The following MFSD6 variants were observed in gnomAD, a reference collection of about 807,000 sequenced individuals.
MFSD6 encodes the protein major facilitator superfamily domain-containing protein 6.
MFSD6 carries 26 observed loss-of-function variants against 56.3 expected under a neutral mutation model. The ratio of observed to expected loss-of-function variants is 0.46; its 90% CI spans 0.34 to 0.64. MFSD6 has a LOEUF of 0.64. MFSD6 is among the 30% of genes least tolerant of loss of function. The pLI, the probability that MFSD6 is intolerant of heterozygous loss-of-function variation, is 0.01. For synonymous variants in MFSD6, 331 were observed against 366.9 expected (o/e 0.90, Z 1.12); for missense variants, 750 against 986.2 (o/e 0.76, Z 3.21).
intron 3 of MFSD6, among the ~76,000 whole-genome samples, chr2:190,446,836 C>A (rs1686602512): frequency 6.6e-6 from 1 of 152,180 alleles, no homozygotes; most frequent in Non-Finnish European, 1.5e-5. Context: ...AAATGTCAAC[C>A]TCCTTCAGAG....
intron 3 of MFSD6, among the ~76,000 whole-genome samples, chr2:190,446,084 A>C (rs1686572599): frequency 1.3e-5 from 2 of 152,132 alleles, no homozygotes; most frequent in Admixed American, 1.3e-4. Flanking sequence ...AAAAAATCCT[A>C]CCCAAACAAT....
intron 1 of MFSD6, among the ~76,000 whole-genome samples, chr2:190,414,226 G>A (rs1242479466): frequency 6.6e-6 from 1 of 152,072 alleles, no homozygotes. Context: ...CATGGCACAC[G>A]TTTGCCTATG....
In MFSD6 at chr2:190,411,228, C is replaced by T. The variant is rs1214344730; in HGVS notation, c.-176+2725C>T. 6.9e-4 allele frequency: 474 copies of T among 691,320 alleles called. 1 individual carries two copies. Among genetic ancestry groups the T allele is most frequent in the Non-Finnish European group, 7.9e-4 (446 of 565,428 alleles). 42.8% of individuals were successfully genotyped at this position (691,320 alleles called of 1,614,324 possible). A position where few individuals can be genotyped will look rare whatever the true frequency, so the allele number is the denominator to read the frequency against. On this transcript the variant is annotated intron_variant, in intron 1 of 7. Transcript: ENST00000392328. ...AGGCTGGAGTGCAGTGGCTCGATCT[C>T]GGCCTACTGCAACCTCTGCCTCCTG...
chr2:190,482,888 T>TG (rs1688767786), intron 4 of MFSD6, among the ~76,000 whole-genome samples: 1 of 43,676 alleles, frequency 2.3e-5, no homozygotes, highest in Non-Finnish European at 5.9e-5. Context: ...TTTTTTTTTT[T>TG]TTTTTTTTTT....
Position 190,417,378 on chromosome 2 carries a change from A to G in MFSD6, c.-54+1965A>G, listed in dbSNP as rs904967767. 1.3e-5 allele frequency among the ~76,000 whole-genome samples: 2 copies of G among 152,132 alleles called. No homozygotes were observed. The highest frequency in any genetic ancestry group is 4.8e-5 in the African/African-American group (2 of 41,418). ...TCCTTTAAGATTGGCTCGAGGCCCC[A>G]CACCACAGACCCTCTGTGTACATCA... On this transcript the variant is annotated intron_variant, in intron 2 of 7. Coordinates refer to ENST00000392328, the MANE Select transcript of MFSD6 (RefSeq NM_017694.4). This position sits in a 1 kb window ranked among gnomAD's most constrained non-coding sequence, Gnocchi z 5.7.
rs966914918 is a variant in MFSD6, at chr2:190,461,845, A to AT, written c.1533-7903dup. ...CAATCTATGATTTCTACCAGTTTTA[A>AT]TTTTTTTTTTAGTGTGGAACATGAA... On this transcript the variant is annotated intron_variant, in intron 3 of 7. Coordinates refer to ENST00000392328, the MANE Select transcript of MFSD6 (RefSeq NM_017694.4). This position sits in a 1 kb window ranked among gnomAD's most constrained non-coding sequence, Gnocchi z 5.5. Among the ~76,000 whole-genome samples the AT allele has an allele frequency of 1.0e-4, 15 of 149,924 alleles. No individual in the cohort carries two copies. The highest frequency in any genetic ancestry group is 8.5e-4 in the South Asian group (4 of 4,728).
Position 190,491,950 on chromosome 2 carries a change from T to G in MFSD6, c.1891+2084T>G, listed in dbSNP as rs992198293. On this transcript the variant is annotated intron_variant, in intron 6 of 7. Coordinates refer to ENST00000392328, the MANE Select transcript of MFSD6 (RefSeq NM_017694.4). This position sits in a 1 kb window ranked among gnomAD's most constrained non-coding sequence, Gnocchi z 4.2. Reference sequence around the variant, plus strand: ...GGGGAGAAATCTTCAATGAGATAGATAGCATAAATAAGAAACAGTTACAAC... The same window carrying G: ...GGGGAGAAATCTTCAATGAGATAGAGAGCATAAATAAGAAACAGTTACAAC... Among the ~76,000 whole-genome samples, 2 of 152,096 alleles carry G rather than the reference T, an allele frequency of 1.3e-5. No homozygotes were observed. Among genetic ancestry groups the G allele is most frequent in the Non-Finnish European group, 2.9e-5 (2 of 68,022 alleles).
chr2:190,486,611 C>T lies in MFSD6; in HGVS notation c.1631-2046C>T, dbSNP rs537029386. The stretch of plus-strand genomic sequence containing the variant: ...TGATGTCCCTCAGGAACCACTGTCT[C>T]ATATGTTTTGTCCGGTTTTTTAGTT... On this transcript the variant is annotated intron_variant, in intron 4 of 7. Coordinates refer to ENST00000392328, the MANE Select transcript of MFSD6 (RefSeq NM_017694.4). 3.3e-4 allele frequency among the ~76,000 whole-genome samples: 51 copies of T among 152,318 alleles called. 1 individual carries two copies. The South Asian group carries it at 0.01, about 31-fold the overall frequency.
Position 190,431,886 on chromosome 2 carries a change from C to A in MFSD6, c.-53-4091C>A, listed in dbSNP as rs1487613038. On this transcript the variant is annotated intron_variant, in intron 2 of 7. Coordinates refer to ENST00000392328, the MANE Select transcript of MFSD6 (RefSeq NM_017694.4). The surrounding 1 kb of genome is among the most constrained non-coding windows in gnomAD (Gnocchi z 4.4). Reference sequence around the variant, plus strand: ...TCAAGTATTCCTTTTATCTGTCCATCCTTTTTCTTTAAAAATATACATTAT... The same window carrying A: ...TCAAGTATTCCTTTTATCTGTCCATACTTTTTCTTTAAAAATATACATTAT... Among the ~76,000 whole-genome samples, 3 of 152,154 alleles carry A rather than the reference C, an allele frequency of 2.0e-5. No homozygotes were observed. The highest frequency in any genetic ancestry group is 7.2e-5 in the African/African-American group (3 of 41,438).
At chr2:190,441,491 G>A (rs1398917713) in intron 3 of MFSD6, among the ~76,000 whole-genome samples, 1 of 151,836 alleles carries the variant, frequency 6.6e-6, no homozygotes, top group Non-Finnish European at 1.5e-5. Context: ...GGCGGGGGTT[G>A]GGGGGAAAGC....
At chr2:190,473,091 A>C (rs1338641916) in intron 4 of MFSD6, among the ~76,000 whole-genome samples, 1 of 152,232 alleles carries the variant, frequency 6.6e-6, no homozygotes, top group Non-Finnish European at 1.5e-5. Context: ...AGGAAGCACT[A>C]AACATGGAAA....
In MFSD6 at chr2:190,463,965, G is replaced by T; in HGVS notation, c.1533-5793G>T. 1 of 867,908 alleles carries T rather than the reference G, an allele frequency of 1.2e-6. No homozygotes were observed. Among genetic ancestry groups the T allele is most frequent in the South Asian group, 5.3e-5 (1 of 18,868 alleles). The allele number at this position is 867,908 out of a possible 1,614,324, so 53.8% of individuals were successfully genotyped here. A position where few individuals can be genotyped will look rare whatever the true frequency, so the allele number is the denominator to read the frequency against. ...CTGTAGACTGTGCTCCAGGGATCTG[G>T]TGTCAACAACCAGCTCTTTTCATTA... On this transcript the variant is annotated intron_variant, in intron 3 of 7. Transcript: ENST00000392328. This position sits in a 1 kb window ranked among gnomAD's most constrained non-coding sequence, Gnocchi z 4.4.
intron 4 of MFSD6, among the ~76,000 whole-genome samples, chr2:190,472,463 G>C: frequency 6.6e-6 from 1 of 152,172 alleles, no homozygotes; most frequent in East Asian, 1.9e-4. Context: ...TAGCTGATTT[G>C]ATCATCTGGA....
At position 190,487,903 on chromosome 2, in the gene MFSD6, A is replaced by AT. The variant is rs142421692; in HGVS notation, c.1631-745dup. Among the ~76,000 whole-genome samples, 14 of 151,588 alleles carry AT rather than the reference A, an allele frequency of 9.2e-5. No homozygotes were observed. The highest frequency in any genetic ancestry group is 1.7e-4 in the African/African-American group (7 of 41,326). Reference sequence around the variant, plus strand: ...CATTTCTAGTTACCTAGTCAAAATAATTTTTTTTTCTTTTTTGAGACAGAA... The same window carrying AT: ...CATTTCTAGTTACCTAGTCAAAATAATTTTTTTTTTCTTTTTTGAGACAGAA... On this transcript the variant is annotated intron_variant, in intron 4 of 7. Coordinates refer to ENST00000392328, the MANE Select transcript of MFSD6 (RefSeq NM_017694.4). The surrounding 1 kb of genome is among the most constrained non-coding windows in gnomAD (Gnocchi z 5.5).
intron 3 of MFSD6, chr2:190,444,884 TA>T: frequency 1.2e-6 from 1 of 835,992 alleles, no homozygotes; most frequent in Non-Finnish European, 1.4e-6. Flanking sequence ...AAAATCATAG[TA>T]AAAAGTGACG....
chr2:190,491,766 A>T lies in MFSD6; in HGVS notation c.1891+1900A>T, dbSNP rs934781843. Among the ~76,000 whole-genome samples, 2 of 152,200 alleles carry T rather than the reference A, an allele frequency of 1.3e-5. No homozygotes were observed. Among genetic ancestry groups the T allele is most frequent in the Admixed American group, 1.3e-4 (2 of 15,284 alleles). On this transcript the variant is annotated intron_variant, in intron 6 of 7. Transcript: ENST00000392328. The surrounding 1 kb of genome is among the most constrained non-coding windows in gnomAD (Gnocchi z 4.2). ...AAACAAGGTTCTTTAACCTGCCCCA[A>T]CAAAATCACACTAGCACCAGCAATA...
intron 2 of MFSD6, among the ~76,000 whole-genome samples, chr2:190,429,397 C>T (rs1239517938): frequency 6.6e-6 from 1 of 151,458 alleles, no homozygotes; most frequent in Non-Finnish European, 1.5e-5. Context: ...GCAATCTCGG[C>T]TCACTGCAAC....
At chr2:190,468,619 ATTT>A (rs71027223) in intron 3 of MFSD6, among the ~76,000 whole-genome samples, 20 of 127,998 alleles carry the variant, frequency 1.6e-4, no homozygotes, top group Admixed American at 3.2e-4. Flanking sequence ...AGCCTGGCTA[ATTT>A]TTTTTTTTTT....
intron 6 of MFSD6, among the ~76,000 whole-genome samples, chr2:190,493,896 C>T (rs912977555): frequency 1.3e-5 from 2 of 151,972 alleles, no homozygotes; most frequent in Admixed American, 1.3e-4. Context: ...AGCCTAAATG[C>T]CTACATCAAA....
Sources: gnomAD v4.1 joint callset for allele counts (sites outside exome capture counted in the v4.1 genomes callset) on GRCh38, gnomAD v4.1.1 for gene constraint, Gnocchi (gnomAD v3.1) non-coding constraint, MANE v1.5 for transcripts, NCBI Gene and HGNC (gene_info 2026-07-23, HGNC 2026-07-21) for gene names.